COL19A1: variants seen among roughly 807,000 people sequenced by gnomAD.
COL19A1 encodes collagen alpha-1(XIX) chain.
COL19A1 carries 159 observed loss-of-function variants against 190.2 expected under a neutral mutation model. That is an observed-to-expected ratio of 0.84 (90% confidence interval 0.73 to 0.95). The LOEUF (loss-of-function observed/expected upper bound fraction) is 0.95. Ranked by LOEUF, COL19A1 falls within the 40% of genes least tolerant of loss-of-function variation. The pLI is 0.00. For missense variants in COL19A1, 1,418 were observed against 1,431.9 expected (o/e 0.99, Z 0.16); for synonymous variants, 509 against 458.9 (o/e 1.11, Z -1.39).
chr6:70,184,084 T>C (rs1313687672), intron 44 of COL19A1, among the ~76,000 whole-genome samples: 2 of 152,242 alleles, frequency 1.3e-5, no homozygotes, highest in South Asian at 2.1e-4. Flanking sequence ...AAGTGACTAA[T>C]ACTGTCAAAA....
chr6:70,061,748 G>A (rs976704518), intron 14 of COL19A1, among the ~76,000 whole-genome samples: 1 of 151,956 alleles, frequency 6.6e-6, no homozygotes, highest in Non-Finnish European at 1.5e-5. Context: ...TATCAAAAAT[G>A]TTATATATTA....
chr6:70,167,215 C>T (rs1765214165), intron 37 of COL19A1, among the ~76,000 whole-genome samples: 1 of 152,164 alleles, frequency 6.6e-6, no homozygotes, highest in South Asian at 2.1e-4. Flanking sequence ...CACTACTGGC[C>T]ACCATCATAC....
In COL19A1 at chr6:69,956,798, A is replaced by C. The variant is rs3805970; in HGVS notation, c.937-3198A>C. ...ATAAATATGAACTAATGAATGGGGAAGTATGATATATTTCAAGTGGACACT... is the reference window on the plus strand; with the variant it reads ...ATAAATATGAACTAATGAATGGGGACGTATGATATATTTCAAGTGGACACT... On this transcript the variant is annotated intron_variant, in intron 9 of 50. Coordinates refer to ENST00000620364, the MANE Select transcript of COL19A1 (RefSeq NM_001858.6). Among the ~76,000 whole-genome samples the C allele has an allele frequency of 7.8e-4, 118 of 152,236 alleles. 1 individual carries two copies. The East Asian group carries it at 0.022, about 28-fold the overall frequency.
At position 70,168,151 on chromosome 6, in the gene COL19A1, C is replaced by A. The variant is rs747960187; in HGVS notation, c.2497-20C>A. The A allele has an allele frequency of 1.9e-6, 3 of 1,611,848 alleles. No individual in the cohort carries two copies. In the East Asian group the frequency reaches 6.7e-5, roughly 36 times the overall value. ...CGTCTCATCTTTCTCTTTTTCTTTT[C>A]TTTTCATTTTCTTTTGAAGGGAGGT... On this transcript the variant is annotated intron_variant, in intron 38 of 50. Transcript: ENST00000620364.
chr6:69,944,203 A>T (rs1010991596), intron 9 of COL19A1, among the ~76,000 whole-genome samples: 1 of 152,174 alleles, frequency 6.6e-6, no homozygotes, highest in Non-Finnish European at 1.5e-5. Context: ...ATCTCTATAT[A>T]AAAAGCATCC....
At chr6:70,038,876 C>A (rs1779490040) in intron 14 of COL19A1, among the ~76,000 whole-genome samples, 1 of 152,046 alleles carries the variant, frequency 6.6e-6, no homozygotes. Context: ...CGCATCCTGG[C>A]CAACATGGTG....
At chr6:69,998,320 T>A (rs1344532545) in intron 11 of COL19A1, among the ~76,000 whole-genome samples, 2 of 152,078 alleles carry the variant, frequency 1.3e-5, no homozygotes, top group Non-Finnish European at 2.9e-5. Flanking sequence ...CACAATTTAT[T>A]TTTTAATGTT....
rs73482136 is a variant in COL19A1, at chr6:69,947,902, T to C, written c.936+9802T>C. On this transcript the variant is annotated intron_variant, in intron 9 of 50. Coordinates refer to ENST00000620364, the MANE Select transcript of COL19A1 (RefSeq NM_001858.6). Reference sequence around the variant, plus strand: ...TCCAACAAACTCTATTGAAAAACAATACCTTGCTGCAAGTTGATGTTTATT... The same window carrying C: ...TCCAACAAACTCTATTGAAAAACAACACCTTGCTGCAAGTTGATGTTTATT... Among the ~76,000 whole-genome samples the C allele has an allele frequency of 8.2e-3, 1,252 of 151,994 alleles. 16 individuals are homozygous for C. The highest frequency in any genetic ancestry group is 0.026 in the African/African-American group (1,077 of 41,532).
At chr6:70,057,023 A>G (rs1351465155) in intron 14 of COL19A1, among the ~76,000 whole-genome samples, 1 of 152,192 alleles carries the variant, frequency 6.6e-6, no homozygotes, top group East Asian at 1.9e-4. Flanking sequence ...TGCAAAAGTT[A>G]CCCATGATAT....
intron 1 of COL19A1, among the ~76,000 whole-genome samples, chr6:69,876,968 C>T (rs2149939586): frequency 6.6e-6 from 1 of 152,292 alleles, no homozygotes; most frequent in Non-Finnish European, 1.5e-5. Context: ...TCTAGCTATT[C>T]ACCCAGAAAG....
intron 4 of COL19A1, among the ~76,000 whole-genome samples, chr6:69,901,279 GA>G (rs1770173270): frequency 6.6e-6 from 1 of 152,214 alleles, no homozygotes; most frequent in South Asian, 2.1e-4. Flanking sequence ...TTCTTAAAGG[GA>G]AATAGCATTA....
intron 4 of COL19A1, among the ~76,000 whole-genome samples, chr6:69,922,694 A>G (rs1166495441): frequency 6.6e-6 from 1 of 151,898 alleles, no homozygotes; most frequent in East Asian, 1.9e-4. Context: ...TTGGCCAGGC[A>G]GGTCTCAAAC....
chr6:70,079,986 C>T (rs78719523), intron 15 of COL19A1, among the ~76,000 whole-genome samples: 278 of 151,918 alleles, frequency 1.8e-3, no homozygotes, highest in African/African-American at 6.5e-3. Context: ...CCAGACATAC[C>T]GGAAGAGGCC....
At chr6:70,058,111 G>T (rs891580914) in intron 14 of COL19A1, among the ~76,000 whole-genome samples, 1 of 151,904 alleles carries the variant, frequency 6.6e-6, no homozygotes, top group Admixed American at 6.6e-5. Context: ...AGCTTTATTG[G>T]CTTAAACAAT....
At chr6:69,942,584 C>A (rs1219223106) in intron 9 of COL19A1, among the ~76,000 whole-genome samples, 1 of 149,212 alleles carries the variant, frequency 6.7e-6, no homozygotes, top group Non-Finnish European at 1.5e-5. Context: ...ATGAGATTAA[C>A]TTTTTAAACT....
chr6:70,140,872 G>GC, intron 19 of COL19A1, 82 bp from the exon 20 acceptor site: 1 of 1,304,842 alleles, frequency 7.7e-7, no homozygotes, highest in Admixed American at 1.7e-5. Flanking sequence ...TCTGAGTTTG[G>GC]CCTATAGGGT....
intron 4 of COL19A1, among the ~76,000 whole-genome samples, chr6:69,925,691 C>G (rs900566891): frequency 6.6e-6 from 1 of 152,148 alleles, no homozygotes; most frequent in Non-Finnish European, 1.5e-5. Flanking sequence ...TGGCCATTTT[C>G]ATGATATTGG....
chr6:70,158,803 T>C (rs1241131230), intron 34 of COL19A1, among the ~76,000 whole-genome samples: 1 of 152,110 alleles, frequency 6.6e-6, no homozygotes, highest in Non-Finnish European at 1.5e-5. Flanking sequence ...TCCAATGGTC[T>C]CCAAATATCT....
chr6:69,883,912 G>A (rs755671634), intron 2 of COL19A1, among the ~76,000 whole-genome samples: 6 of 151,534 alleles, frequency 4.0e-5, no homozygotes, highest in Admixed American at 6.6e-5. Context: ...TTAGCCATTC[G>A]AGAGGAGAAA....
Sources: allele counts gnomAD v4.1 joint callset (sites outside exome capture counted in the v4.1 genomes callset), GRCh38; gene constraint gnomAD v4.1.1; transcripts MANE v1.5; gene names NCBI Gene and HGNC (gene_info 2026-07-23, HGNC 2026-07-21).